Variants in IFT122 observed in about 807,000 individuals in gnomAD.
IFT122 encodes the protein intraflagellar transport protein 122 homolog.
In IFT122, 118 loss-of-function variants were observed where a neutral mutation model predicts 161.6. The ratio of observed to expected loss-of-function variants is 0.73; its 90% CI spans 0.63 to 0.85. IFT122 has a LOEUF of 0.85. IFT122 is among the 40% of genes least tolerant of loss of function. The probability of loss-of-function intolerance (pLI) is 0.00; values close to 1 mark genes in which losing one functional copy is unlikely to be tolerated. For missense variants in IFT122, 1,381 were observed against 1,579.6 expected, an observed-to-expected ratio of 0.87 and a Z score of 2.13; for synonymous variants, 550 against 602.4, an observed-to-expected ratio of 0.91 and a Z score of 1.27.
At chr3:129,470,681 C>T (rs1049043375) in intron 9 of IFT122, among the ~76,000 whole-genome samples, 2 of 152,178 alleles carry the variant, frequency 1.3e-5, no homozygotes, top group African/African-American at 4.8e-5. Context: ...AGAGATTCTC[C>T]TGCCTCAGCC....
intron 22 of IFT122, 141 bp downstream of exon 22, chr3:129,506,690 C>T (rs911960891): frequency 1.7e-5 from 21 of 1,208,892 alleles, no homozygotes; most frequent in Middle Eastern, 4.3e-4. Context: ...CTTGCAGTGG[C>T]GTAATCTGGT....
intron 26 of IFT122, among the ~76,000 whole-genome samples, chr3:129,516,622 C>A (rs1462350995): frequency 7.0e-6 from 1 of 143,312 alleles, no homozygotes; most frequent in Non-Finnish European, 1.5e-5. Context: ...CCCCTGCACA[C>A]ACACACACAC....
intron 1 of IFT122, among the ~76,000 whole-genome samples, chr3:129,448,648 C>T (rs1001139744): frequency 7.2e-5 from 11 of 152,126 alleles, no homozygotes; most frequent in East Asian, 1.9e-4. Context: ...GCACAGCTGC[C>T]GGCATTCACC....
At position 129,488,238 on chromosome 3, in the gene IFT122, C is replaced by T. The variant is rs751575983; in HGVS notation, c.1852-19C>T. On this transcript the variant is annotated intron_variant, in intron 15 of 29. Coordinates refer to ENST00000348417, the MANE Select transcript of IFT122 (RefSeq NM_052989.3). Reference sequence around the variant, plus strand: ...CTCTGAAAACAGTCTTCTTTTTTTCCCTTGATGAAATCCTGCAGTCCGCTC... The same window carrying T: ...CTCTGAAAACAGTCTTCTTTTTTTCTCTTGATGAAATCCTGCAGTCCGCTC... 5 of 1,613,802 alleles carry T rather than the reference C, an allele frequency of 3.1e-6. No individual in the cohort carries two copies. Among genetic ancestry groups the T allele is most frequent in the African/African-American group, 1.3e-5 (1 of 74,878 alleles).
At chr3:129,496,804 A>AG (rs1366510791) in intron 18 of IFT122, among the ~76,000 whole-genome samples, 1 of 152,178 alleles carries the variant, frequency 6.6e-6, no homozygotes, top group Non-Finnish European at 1.5e-5. Flanking sequence ...GCCCCACCAA[A>AG]GACACCTAGA....
At chr3:129,477,898 A>G (rs1037087161) in intron 11 of IFT122, 118 bp from the exon 12 acceptor site, 9 of 820,994 alleles carry the variant, frequency 1.1e-5, no homozygotes, top group Middle Eastern at 2.8e-4. Context: ...AGATTTTTCA[A>G]TGAGAGTATC....
At position 129,479,048 on chromosome 3, in the gene IFT122, A is replaced by G. The variant is rs186659336; in HGVS notation, c.1351-737A>G. ...GAAGTAGAGGTGGATTTAGTTTTAC[A>G]TAGTTCTGTTGGAGGTGATAAAAGA... On this transcript the variant is annotated intron_variant, in intron 12 of 29. Coordinates refer to ENST00000348417, the MANE Select transcript of IFT122 (RefSeq NM_052989.3). 1.4e-4 allele frequency among the ~76,000 whole-genome samples: 22 copies of G among 152,246 alleles called. No individual in the cohort carries two copies. In the East Asian group the frequency reaches 2.7e-3, roughly 19 times the overall value.
At chr3:129,444,553 C>T (rs531006707) in intron 1 of IFT122, among the ~76,000 whole-genome samples, 11 of 151,728 alleles carry the variant, frequency 7.2e-5, no homozygotes, top group South Asian at 2.1e-4. Context: ...GACAGAGTCT[C>T]GCTCTGTTGC....
intron 18 of IFT122, among the ~76,000 whole-genome samples, chr3:129,496,476 T>G (rs1399307450): frequency 2.6e-5 from 4 of 152,240 alleles, no homozygotes; most frequent in Non-Finnish European, 5.9e-5. Context: ...AAGTGACTCA[T>G]CAGCCATAAC....
intron 3 of IFT122, among the ~76,000 whole-genome samples, chr3:129,452,626 G>A (rs1452043203): frequency 3.3e-5 from 5 of 152,262 alleles, no homozygotes; most frequent in East Asian, 1.9e-4. Flanking sequence ...AAAGAGAATC[G>A]GGAATTGTAG....
At chr3:129,453,518 C>T (rs1423504629) in intron 3 of IFT122, among the ~76,000 whole-genome samples, 2 of 152,122 alleles carry the variant, frequency 1.3e-5, no homozygotes, top group African/African-American at 4.8e-5. Flanking sequence ...GTGTCTTTTT[C>T]TCCAGCGATT....
At position 129,520,237 on chromosome 3, in the gene IFT122, G is replaced by A. The variant is rs201755623; in HGVS notation, c.3698G>A (p.Arg1233His). ...VLQHGCCPYC[R>H]RCKDDPGP ...CAGCATGGCTGCTGCCCCTACTGCC[G>A]CAGGTGCAAGGATGACCCTGGCCCA... The change falls in exon 30 of 30, where the codon CGC becomes CAC. Residue 1233 changes from arginine (R) to histidine (H), a missense_variant. By Grantham distance (29) the Arg-to-His change is conservative (BLOSUM62 0). Transcript: ENST00000348417. 1.0e-4 allele frequency: 169 copies of A among 1,610,838 alleles called. No individual in the cohort carries two copies. Among genetic ancestry groups the A allele is most frequent in the Admixed American group, 1.8e-4 (11 of 59,978 alleles).
At chr3:129,486,067 G>A in intron 15 of IFT122, among the ~76,000 whole-genome samples, 1 of 152,254 alleles carries the variant, frequency 6.6e-6, no homozygotes, top group Non-Finnish European at 1.5e-5. Flanking sequence ...CTTCATGTTT[G>A]AAATCCAACA....
rs199736837 is a variant in IFT122, at chr3:129,445,328, AAAAAAC to A, written c.42-4525_42-4520del. 6.7e-3 allele frequency among the ~76,000 whole-genome samples: 1,025 copies of A among 152,222 alleles called. 7 individuals are homozygous for A. The highest frequency in any genetic ancestry group is 0.023 in the African/African-American group (958 of 41,502). On this transcript the variant is annotated intron_variant, in intron 1 of 29. Transcript: ENST00000348417. ...GTGACAGAGCAAGACTCCACCTCAA[AAAAAAC>A]AAAAACAAAAACAAAAAAACAGATT...
chr3:129,447,724 G>C (rs1050276232), intron 1 of IFT122, among the ~76,000 whole-genome samples: 4 of 152,138 alleles, frequency 2.6e-5, no homozygotes, highest in Non-Finnish European at 5.9e-5. Flanking sequence ...TGTTGGTCAG[G>C]CTGGCCTCAA....
chr3:129,446,784 T>G (rs772456145), intron 1 of IFT122, among the ~76,000 whole-genome samples: 8 of 152,214 alleles, frequency 5.3e-5, no homozygotes, highest in Non-Finnish European at 8.8e-5. Flanking sequence ...TCTCTTCAGA[T>G]ATTTTACAGA....
chr3:129,490,241 G>C (rs1246436225), intron 16 of IFT122, among the ~76,000 whole-genome samples: 1 of 152,212 alleles, frequency 6.6e-6, no homozygotes, highest in Non-Finnish European at 1.5e-5. Flanking sequence ...AAAGCCACAT[G>C]ATATTGAAGA....
At chr3:129,454,905 T>A (rs562776056) in intron 3 of IFT122, among the ~76,000 whole-genome samples, 1 of 152,228 alleles carries the variant, frequency 6.6e-6, no homozygotes, top group East Asian at 1.9e-4. Context: ...GGGACTCTTA[T>A]CTCCGCTCAA....
chr3:129,454,663 G>A (rs926784991), intron 3 of IFT122, among the ~76,000 whole-genome samples: 1 of 151,950 alleles, frequency 6.6e-6, no homozygotes, highest in African/African-American at 2.4e-5. Context: ...TGAGGAATGT[G>A]GGTCAGTCCA....
Sources: allele counts gnomAD v4.1 joint callset (sites outside exome capture counted in the v4.1 genomes callset), GRCh38; gene constraint gnomAD v4.1.1; transcripts MANE v1.5; gene names NCBI Gene and HGNC (gene_info 2026-07-23, HGNC 2026-07-21).